Variants in MTSS2 observed in about 807,000 individuals in gnomAD.
MTSS2 encodes the protein protein MTSS 2.
MTSS2 carries 27 observed loss-of-function variants against 67.1 expected under a neutral mutation model. The ratio of observed to expected loss-of-function variants is 0.40; its 90% CI spans 0.30 to 0.55. The LOEUF (loss-of-function observed/expected upper bound fraction) is 0.55, where lower values mean the gene tolerates loss of function less well. Among genes scored for constraint, MTSS2 ranks in the 20% least tolerant of loss-of-function variants. The pLI is 0.43. For synonymous variants in MTSS2, 624 were observed against 468.6 expected (o/e 1.33, Z -4.28); for missense variants, 1,171 against 1,067.8 (o/e 1.10, Z -1.35).
Position 70,662,196 on chromosome 16 carries a change from CAATCAAT to C in MTSS2, c.*1474_*1480del, listed in dbSNP as rs1297565472. On this transcript the variant is annotated 3_prime_UTR_variant, in exon 15 of 15. Coordinates refer to ENST00000338779, the MANE Select transcript of MTSS2 (RefSeq NM_138383.3). ...TCAGACCCAGCTCCATTCTATCAAT[CAATCAAT>C]CAATCATCAAGACCAAGGTGCTCCT... 2.7e-5 allele frequency: 4 copies of C among 150,696 alleles called. No homozygotes were observed. The highest frequency in any genetic ancestry group is 6.0e-5 in the Non-Finnish European group (4 of 66,980). The allele number at this position is 150,696 out of a possible 1,614,324, so 9.3% of individuals were successfully genotyped here. A position where few individuals can be genotyped will look rare whatever the true frequency, so the allele number is the denominator to read the frequency against.
intron 6 of MTSS2, 40 bp downstream of exon 6, chr16:70,679,590 G>A (rs1181338148): frequency 1.3e-6 from 2 of 1,556,980 alleles, no homozygotes; most frequent in Non-Finnish European, 1.7e-6. Context: ...TGTGGAGCGG[G>A]GCCGTGGGGC....
chr16:70,685,824 G>A lies in MTSS2; in HGVS notation c.-33C>T. The A allele has an allele frequency of 3.2e-6, 4 of 1,241,290 alleles. No homozygotes were observed. Among genetic ancestry groups the A allele is most frequent in the South Asian group, 1.8e-5 (1 of 56,418 alleles). The allele number at this position is 1,241,290 out of a possible 1,614,324, so 76.9% of individuals were successfully genotyped here. The stretch of plus-strand genomic sequence containing the variant: ...CTGGGCCGGGCCGCGGCGGCGGCTA[G>A]GCGCACGGAGCGCGGGGAGCAGCGC... On this transcript the variant is annotated 5_prime_UTR_variant, in exon 1 of 15. Transcript: ENST00000338779.
chr16:70,664,894 G>C, intron 13 of MTSS2, 26 bp downstream of exon 13: 1 of 1,526,992 alleles, frequency 6.5e-7, no homozygotes, highest in Non-Finnish European at 8.8e-7. Context: ...TGACCTGGGC[G>C]TGAAGGGGGG....
Position 70,677,794 on chromosome 16 carries a change from G to C in MTSS2, c.730C>G (p.Gln244Glu). Residue 244 changes from glutamine to glutamate, a missense_variant and splice_region_variant, in exon 9 of 15, where the codon CAG becomes GAG. This residue lies in a region of MTSS2 where 924 missense variants were observed against 756.0 expected (regional missense o/e 1.22). Coordinates refer to ENST00000338779, the MANE Select transcript of MTSS2 (RefSeq NM_138383.3). ...EPHKLPPASEQVIKDLKGSDY... is the reference protein window; with the variant it reads ...EPHKLPPASEEVIKDLKGSDY... ...CCTTGGCCAGAGGGCTCCCGCACCT[G>C]CTCGCTGGCGGGAGGCAGTTTGTGG... 1 of 1,607,716 alleles carries C rather than the reference G, an allele frequency of 6.2e-7. No individual in the cohort carries two copies. Among genetic ancestry groups the C allele is most frequent in the Non-Finnish European group, 8.5e-7 (1 of 1,177,714 alleles).
intron 11 of MTSS2, among the ~76,000 whole-genome samples, chr16:70,670,286 C>T (rs772104968): frequency 3.4e-4 from 51 of 152,034 alleles, no homozygotes; most frequent in African/African-American, 4.3e-4. Flanking sequence ...CAAAACAAAA[C>T]GACACAAAAC....
chr16:70,662,716 C>G lies in MTSS2; in HGVS notation c.*961G>C, dbSNP rs2052531307. On this transcript the variant is annotated 3_prime_UTR_variant, in exon 15 of 15. Coordinates refer to ENST00000338779, the MANE Select transcript of MTSS2 (RefSeq NM_138383.3). ...ACACACACCCTGTATCGTCCCCTCTCCCCCACACTTAGTCCTCGTCCACAG... is the reference window on the plus strand; with the variant it reads ...ACACACACCCTGTATCGTCCCCTCTGCCCCACACTTAGTCCTCGTCCACAG... 1 of 152,690 alleles carries G rather than the reference C, an allele frequency of 6.5e-6. No individual in the cohort carries two copies. Among genetic ancestry groups the G allele is most frequent in the South Asian group, 2.1e-4 (1 of 4,832 alleles). 9.5% of individuals were successfully genotyped at this position (152,690 alleles called of 1,614,324 possible).
Position 70,663,260 on chromosome 16 carries a change from A to C in MTSS2, c.*417T>G. ...CAAGAGGGGAGGAGGGGGCTCAGGC[A>C]GGGGAGAGGGGGGCCAGCATTCCAG... On this transcript the variant is annotated 3_prime_UTR_variant, in exon 15 of 15. Transcript: ENST00000338779. 5.5e-6 allele frequency: 1 copy of C among 183,292 alleles called. No homozygotes were observed. The highest frequency in any genetic ancestry group is 1.1e-5 in the Non-Finnish European group (1 of 88,264). 11.4% of individuals were successfully genotyped at this position (183,292 alleles called of 1,614,324 possible).
intron 7 of MTSS2, 66 bp from the exon 8 acceptor site, chr16:70,678,475 G>A: frequency 6.5e-7 from 1 of 1,542,952 alleles, no homozygotes; most frequent in Non-Finnish European, 8.7e-7. Context: ...CCACAAATGG[G>A]CTCAGACCCT....
At position 70,682,720 on chromosome 16, in the gene MTSS2, G is replaced by A. The variant is rs117045514; in HGVS notation, c.70-1695C>T. Among the ~76,000 whole-genome samples the A allele has an allele frequency of 4.4e-3, 659 of 149,098 alleles. 2 individuals are homozygous for A. Among genetic ancestry groups the A allele is most frequent in the Middle Eastern group, 0.018 (5 of 274 alleles). On this transcript the variant is annotated intron_variant, in intron 1 of 14. Coordinates refer to ENST00000338779, the MANE Select transcript of MTSS2 (RefSeq NM_138383.3). ...GCTTATGTCTTATTTGTTTATATCC[G>A]CCTCTTCATGGATAGGTCAATTTCA...
intron 11 of MTSS2, among the ~76,000 whole-genome samples, chr16:70,670,033 G>A (rs905711294): frequency 2.6e-5 from 4 of 152,090 alleles, no homozygotes; most frequent in African/African-American, 9.7e-5. Context: ...TACTTTGGGA[G>A]GCTGAGGGGG....
At chr16:70,681,074 G>T in intron 1 of MTSS2, 49 bp from the exon 2 acceptor site, 1 of 1,557,340 alleles carries the variant, frequency 6.4e-7, no homozygotes, top group East Asian at 2.3e-5. Context: ...GGTGGTTGCA[G>T]GGCTTGACCT....
rs762888112 is a variant in MTSS2, at chr16:70,677,831, C to T, written c.693G>A (p.Leu231=). 33 of 1,612,098 alleles carry T rather than the reference C, an allele frequency of 2.0e-5. No individual in the cohort carries two copies. Among genetic ancestry groups the T allele is most frequent in the Non-Finnish European group, 2.7e-5 (32 of 1,179,570 alleles). Residue 231 remains leucine, a synonymous_variant, in exon 9 of 15, where the codon CTG becomes CTA. Coordinates refer to ENST00000338779, the MANE Select transcript of MTSS2 (RefSeq NM_138383.3). ...LQGIIDDLVV[L]TAEPHKLPPA... Reference sequence around the variant, plus strand: ...GAGGCAGTTTGTGGGGTTCTGCTGTCAGCACCACCAAGTCGTCGATGATGC... The same window carrying T: ...GAGGCAGTTTGTGGGGTTCTGCTGTTAGCACCACCAAGTCGTCGATGATGC...
In MTSS2 at chr16:70,669,551, C is replaced by T. The variant is rs1444371802; in HGVS notation, c.1054-4011G>A. 2.0e-5 allele frequency among the ~76,000 whole-genome samples: 3 copies of T among 152,134 alleles called. No individual in the cohort carries two copies. The East Asian group carries it at 5.8e-4, about 29-fold the overall frequency. On this transcript the variant is annotated intron_variant, in intron 11 of 14. Coordinates refer to ENST00000338779, the MANE Select transcript of MTSS2 (RefSeq NM_138383.3). ...AGTATGAAAGCTGGGCATGGTGGCT[C>T]ATGCCTGTAATCCCAGCACTTTGGG... is the stretch of plus-strand genomic sequence containing the variant.
intron 6 of MTSS2, 35 bp from the exon 7 acceptor site, chr16:70,679,358 CAG>C: frequency 6.2e-7 from 1 of 1,613,198 alleles, no homozygotes; most frequent in Non-Finnish European, 8.5e-7. Flanking sequence ...GGAGGAGAGA[CAG>C]AGAAAGAAAG....
Position 70,664,409 on chromosome 16 carries a change from G to T in MTSS2, c.1512C>A (p.Asp504Glu). 6.4e-7 allele frequency: 1 copy of T among 1,553,538 alleles called. No homozygotes were observed. Among genetic ancestry groups the T allele is most frequent in the Non-Finnish European group, 8.7e-7 (1 of 1,154,610 alleles). Reference sequence around the variant, plus strand: ...TGTCAAACTCGGGCGGGCCCTCGCTGTCCGCATCCCCATTCACGGAGTAGC... The same window carrying T: ...TGTCAAACTCGGGCGGGCCCTCGCTTTCCGCATCCCCATTCACGGAGTAGC... ...YDCYSVNGDA[D>E]SEGPPEFDKS... is the part of the protein sequence containing the mutation. Residue 504 changes from aspartate to glutamate, a missense_variant, in exon 15 of 15, where the codon GAC becomes GAA. Asp to Glu is a conservative substitution (Grantham distance 45, BLOSUM62 2). Around this residue, in one of 2 missense-constraint regions of MTSS2, gnomAD observed 924 missense variants for 756.0 expected, o/e 1.22. Coordinates refer to ENST00000338779, the MANE Select transcript of MTSS2 (RefSeq NM_138383.3).
At chr16:70,671,401 C>CAA (rs774830213) in intron 11 of MTSS2, among the ~76,000 whole-genome samples, 8 of 95,948 alleles carry the variant, frequency 8.3e-5, no homozygotes, top group Admixed American at 2.3e-4. Flanking sequence ...GAGTCTGTGT[C>CAA]AAAAAAAAAA....
rs764430940 is a variant in MTSS2 at position 70,664,353 on chromosome 16, A to C, written c.1568T>G (p.Ile523Ser). The part of the protein sequence containing the change: ...KSSTIPRNSN[I>S]AQNYRRLIQT... ...GATCAGGCGGCGGTAGTTCTGGGCG[A>C]TGTTGCTGTTGCGCGGGATGGTGGA... Residue 523 changes from isoleucine to serine, a missense_variant, in exon 15 of 15, where the codon ATC (isoleucine) becomes AGC (serine). Ile to Ser is a moderately radical substitution (Grantham distance 142). Transcript: ENST00000338779. The C allele has an allele frequency of 3.8e-6, 6 of 1,596,792 alleles. No homozygotes were observed. The highest frequency in any genetic ancestry group is 5.1e-6 in the Non-Finnish European group (6 of 1,173,598).
At chr16:70,685,619 C>T in intron 1 of MTSS2, 104 bp downstream of exon 1, 2 of 640,060 alleles carry the variant, frequency 3.1e-6, no homozygotes, top group Non-Finnish European at 4.0e-6. Context: ...GACACACAGA[C>T]ACCGCGGCGC....
Position 70,680,990 on chromosome 16 carries a change from C to T in MTSS2, c.105G>A (p.Lys35=). The T allele has an allele frequency of 6.2e-7, 1 of 1,610,110 alleles. No individual in the cohort carries two copies. Among genetic ancestry groups the T allele is most frequent in the Non-Finnish European group, 8.5e-7 (1 of 1,178,672 alleles). Residue 35 remains lysine (K), a synonymous_variant, in exon 2 of 15, where the codon AAG becomes AAA. Coordinates refer to ENST00000338779, the MANE Select transcript of MTSS2 (RefSeq NM_138383.3). ...TCAGCTGGGAATGCAGCTTCGTGGC[C>T]TTGGAGTTGAAGTCCTCCCAGATAG... ...SYPIWEDFNS[K]ATKLHSQLRT...
Sources: allele counts gnomAD v4.1 joint callset (sites outside exome capture counted in the v4.1 genomes callset), GRCh38; gene constraint gnomAD v4.1.1; regional missense constraint gnomAD v4.1.1; transcripts MANE v1.5; gene names NCBI Gene and HGNC (gene_info 2026-07-23, HGNC 2026-07-21).